Variants in GRIA4 observed in about 807,000 individuals in gnomAD.
GRIA4 encodes the protein glutamate ionotropic receptor AMPA type subunit 4.
Under a neutral mutation model 104.0 loss-of-function variants are expected in GRIA4, and 34 were observed. That is an observed-to-expected ratio of 0.33 (90% CI 0.25 to 0.44). The LOEUF is 0.44. GRIA4 is among the 20% of genes least tolerant of loss of function. The pLI, the probability that GRIA4 is intolerant of heterozygous loss-of-function variation, is 1.00. For synonymous variants in GRIA4, 386 were observed against 381.9 expected, an observed-to-expected ratio of 1.01 and a Z score of -0.13; for missense variants, 750 against 1,096.5, an observed-to-expected ratio of 0.68 and a Z score of 4.46.
intron 3 of GRIA4, among the ~76,000 whole-genome samples, chr11:105,616,399 C>A (rs1387772578): frequency 6.6e-6 from 1 of 151,536 alleles, no homozygotes; most frequent in Admixed American, 6.6e-5. Flanking sequence ...CAGTACTTTA[C>A]AAAGTACTTG....
At chr11:105,700,988 C>A (rs372183532) in intron 3 of GRIA4, among the ~76,000 whole-genome samples, 2 of 152,224 alleles carry the variant, frequency 1.3e-5, no homozygotes, top group South Asian at 4.1e-4. Flanking sequence ...TCAACCATCC[C>A]TATTCCTTTG....
intron 3 of GRIA4, among the ~76,000 whole-genome samples, chr11:105,659,579 T>C (rs1022075073): frequency 6.6e-6 from 1 of 151,840 alleles, no homozygotes; most frequent in African/African-American, 2.4e-5. Context: ...TAGAACAACA[T>C]ACCTCTATGT....
intron 4 of GRIA4, among the ~76,000 whole-genome samples, chr11:105,770,773 C>T (rs1181902872): frequency 2.0e-5 from 3 of 152,054 alleles, no homozygotes; most frequent in African/African-American, 7.2e-5. Context: ...GCTGGACTTT[C>T]TCTACCCTTT....
chr11:105,898,768 G>A (rs1946752271), intron 7 of GRIA4, among the ~76,000 whole-genome samples: 1 of 152,068 alleles, frequency 6.6e-6, no homozygotes. Flanking sequence ...TCTTCATGAA[G>A]TGATTTAAAA....
At chr11:105,788,380 C>A (rs1942067842) in intron 4 of GRIA4, among the ~76,000 whole-genome samples, 1 of 152,112 alleles carries the variant, frequency 6.6e-6, no homozygotes, top group Admixed American at 6.5e-5. Context: ...ACCCAGCAAT[C>A]CCACTACTAG....
chr11:105,824,869 T>A (rs1943709586), intron 4 of GRIA4: 1 of 152,100 alleles, frequency 6.6e-6, no homozygotes, highest in Admixed American at 6.6e-5. Flanking sequence ...ATGGCAGATG[T>A]GTTGCCACGG....
At chr11:105,808,997 G>T (rs1291353027) in intron 4 of GRIA4, among the ~76,000 whole-genome samples, 1 of 151,836 alleles carries the variant, frequency 6.6e-6, no homozygotes, top group Non-Finnish European at 1.5e-5. Flanking sequence ...ATTTATTTTT[G>T]AATATAGTAT....
chr11:105,701,356 G>C (rs1953483290), intron 3 of GRIA4, among the ~76,000 whole-genome samples: 1 of 152,194 alleles, frequency 6.6e-6, no homozygotes, highest in Non-Finnish European at 1.5e-5. Flanking sequence ...TATTTACACA[G>C]ATTAAGATGA....
chr11:105,733,853 T>G (rs932095206), intron 3 of GRIA4, among the ~76,000 whole-genome samples: 3 of 151,638 alleles, frequency 2.0e-5, no homozygotes, highest in African/African-American at 7.3e-5. Context: ...AATTCCATGA[T>G]ATCACACTGT....
chr11:105,979,497 G>T (rs1859165637), intron 16 of GRIA4, 78 bp from the exon 17 acceptor site: 9 of 1,265,730 alleles, frequency 7.1e-6, no homozygotes, highest in South Asian at 5.1e-5. Flanking sequence ...TTCGGTGTTT[G>T]TTGTGGAACA....
At chr11:105,978,730 T>C (rs1429564961) in intron 16 of GRIA4, among the ~76,000 whole-genome samples, 1 of 152,168 alleles carries the variant, frequency 6.6e-6, no homozygotes, top group African/African-American at 2.4e-5. Flanking sequence ...CCTATTTTCC[T>C]CTTAAGTTAT....
At position 105,656,021 on chromosome 11, in the gene GRIA4, C is replaced by T. The variant is rs141057286; in HGVS notation, c.247+43587C>T. Among the ~76,000 whole-genome samples the T allele has an allele frequency of 7.1e-3, 1,087 of 152,240 alleles. 9 individuals are homozygous for T. Among genetic ancestry groups the T allele is most frequent in the Non-Finnish European group, 0.011 (746 of 68,026 alleles). ...TGTTTCCTGACTTTTTAATGATCAC[C>T]ATTCTAACTGGCGTGAGATGGTATT... On this transcript the variant is annotated intron_variant, in intron 3 of 16. Coordinates refer to ENST00000282499, the MANE Select transcript of GRIA4 (RefSeq NM_000829.4).
intron 3 of GRIA4, among the ~76,000 whole-genome samples, chr11:105,625,496 A>G (rs1950864436): frequency 6.6e-6 from 1 of 152,162 alleles, no homozygotes; most frequent in Non-Finnish European, 1.5e-5. Flanking sequence ...TTTACATAAC[A>G]TAGTTTCTAA....
chr11:105,923,933 T>C (rs1053468088), intron 11 of GRIA4, among the ~76,000 whole-genome samples: 7 of 152,136 alleles, frequency 4.6e-5, no homozygotes, highest in Admixed American at 1.3e-4. Context: ...AAAGACTGTT[T>C]GAAATTTGCA....
At chr11:105,721,487 G>T (rs1008129119) in intron 3 of GRIA4, among the ~76,000 whole-genome samples, 1 of 151,988 alleles carries the variant, frequency 6.6e-6, no homozygotes, top group East Asian at 1.9e-4. Context: ...TTACAAAAAT[G>T]ATCTCTGAGC....
Position 105,716,297 on chromosome 11 carries a change from T to G in GRIA4, c.248-36684T>G, listed in dbSNP as rs116011118. Among the ~76,000 whole-genome samples the G allele has an allele frequency of 3.0e-3, 454 of 152,234 alleles. 7 individuals carry two copies. Among genetic ancestry groups the G allele is most frequent in the African/African-American group, 0.011 (445 of 41,558 alleles). Reference sequence around the variant, plus strand: ...TTTGCAATAACACAGAAGAAAGAAATAAAACAGCTCCTATTTACATAGTAA... The same window carrying G: ...TTTGCAATAACACAGAAGAAAGAAAGAAAACAGCTCCTATTTACATAGTAA... On this transcript the variant is annotated intron_variant, in intron 3 of 16. Coordinates refer to ENST00000282499, the MANE Select transcript of GRIA4 (RefSeq NM_000829.4).
rs578032653 is a variant in GRIA4 at position 105,750,262 on chromosome 11, G to T, written c.248-2719G>T. ...ACTAACATAATAACATTGAATATTT[G>T]CCTGACAATCTATCCTCACACACAC... On this transcript the variant is annotated intron_variant, in intron 3 of 16. Transcript: ENST00000282499. 1.9e-4 allele frequency among the ~76,000 whole-genome samples: 29 copies of T among 152,162 alleles called. No individual in the cohort carries two copies. The South Asian group carries it at 3.7e-3, about 20-fold the overall frequency.
At chr11:105,835,140 TATTTA>T (rs1944129036) in intron 4 of GRIA4, among the ~76,000 whole-genome samples, 1 of 151,962 alleles carries the variant, frequency 6.6e-6, no homozygotes, top group Non-Finnish European at 1.5e-5. Context: ...TTCAATATTT[TATTTA>T]ATGTTACTAT....
At chr11:105,979,548 T>C (rs1202367253) in intron 16 of GRIA4, 27 bp from the exon 17 acceptor site, 3 of 1,609,646 alleles carry the variant, frequency 1.9e-6, no homozygotes, top group Non-Finnish European at 2.6e-6. Flanking sequence ...CTCCGCGTTC[T>C]TTCTGCTTCC....
Sources: allele counts gnomAD v4.1 joint callset (sites outside exome capture counted in the v4.1 genomes callset), GRCh38; gene constraint gnomAD v4.1.1; transcripts MANE v1.5; gene names NCBI Gene and HGNC (gene_info 2026-07-23, HGNC 2026-07-21).